Variants in IL31RA observed in about 807,000 individuals in gnomAD.
The protein encoded by IL31RA is interleukin-31 receptor subunit alpha.
IL31RA carries 66 observed loss-of-function variants against 83.7 expected under a neutral mutation model. The observed-to-expected ratio is 0.79, with a 90% confidence interval of 0.65 to 0.97. IL31RA has a LOEUF of 0.97. Among genes scored for constraint, IL31RA ranks in the 50% least tolerant of loss-of-function variants. IL31RA has a pLI of 0.00. For missense variants in IL31RA, 798 were observed against 919.4 expected (o/e 0.87, Z 1.71); for synonymous variants, 325 against 329.0 (o/e 0.99, Z 0.13).
chr5:55,909,871 A>C (rs1749390949), intron 11 of IL31RA, among the ~76,000 whole-genome samples: 1 of 151,922 alleles, frequency 6.6e-6, no homozygotes, highest in South Asian at 2.1e-4. Context: ...CGTCCAGCTA[A>C]TTTTGTATTT....
In IL31RA at chr5:55,922,491, C is replaced by G. The variant is rs763493654; in HGVS notation, c.*5371C>G. On this transcript the variant is annotated 3_prime_UTR_variant, in exon 15 of 15. Coordinates refer to ENST00000652347, the MANE Select transcript of IL31RA (RefSeq NM_139017.7). ...GTCTATGCAAATTAGAAAGGACATG[C>G]AGAGTTTTCCAACTAGGAAGACTGA... 2.2e-6 allele frequency: 3 copies of G among 1,383,704 alleles called. No homozygotes were observed. The African/African-American group carries it at 4.3e-5, about 20-fold the overall frequency. 85.7% of individuals were successfully genotyped at this position (1,383,704 alleles called of 1,614,324 possible).
At chr5:55,881,716 ATTTTTT>A (rs34217814) in intron 4 of IL31RA, among the ~76,000 whole-genome samples, 101 of 59,634 alleles carry the variant, frequency 1.7e-3, no homozygotes, top group South Asian at 2.6e-3. Flanking sequence ...AGTTCCTGAG[ATTTTTT>A]TTTTTTTTTT....
chr5:55,883,079 C>A lies in IL31RA; in HGVS notation c.490C>A (p.Pro164Thr). The change falls in exon 5 of 15, where the codon CCA (proline) becomes ACA (threonine). Residue 164 changes from proline (P) to threonine (T), a missense_variant. By Grantham distance (38) the Pro-to-Thr change is conservative. Coordinates refer to ENST00000652347, the MANE Select transcript of IL31RA (RefSeq NM_139017.7). Reference protein sequence around the residue: ...TEPPKIFRVKPVLGIKRMIQI... With the variant: ...TEPPKIFRVKTVLGIKRMIQI... ...ACCACCTAAGATTTTCCGTGTGAAA[C>A]CAGTTTTGGGCATCAAACGAATGAT... is the stretch of plus-strand genomic sequence containing the variant. 1 of 1,613,946 alleles carries A rather than the reference C, an allele frequency of 6.2e-7. No homozygotes were observed.
the IL31RA span, chr5:55,839,819 G>T: frequency 3.9e-6 from 3 of 760,384 alleles, no homozygotes; most frequent in Non-Finnish European, 7.4e-6. Flanking sequence ...CTTTTTCAGG[G>T]CCAATTTGAC....
At chr5:55,913,934 T>C (rs1309881947) in intron 13 of IL31RA, among the ~76,000 whole-genome samples, 1 of 152,198 alleles carries the variant, frequency 6.6e-6, no homozygotes, top group Non-Finnish European at 1.5e-5. Context: ...GAGGCCTTCT[T>C]GCGAGCTCTG....
At chr5:55,860,055 T>G (rs1471328222) in intron 2 of IL31RA, among the ~76,000 whole-genome samples, 2 of 152,134 alleles carry the variant, frequency 1.3e-5, no homozygotes, top group Admixed American at 1.3e-4. Context: ...ATGGAGCCAT[T>G]AAAACAATTT....
At chr5:55,898,738 A>C (rs1384721520) in intron 7 of IL31RA, among the ~76,000 whole-genome samples, 1 of 151,856 alleles carries the variant, frequency 6.6e-6, no homozygotes, top group African/African-American at 2.4e-5. Flanking sequence ...TTTAAAAAAG[A>C]AAATGGGGCT....
At chr5:55,915,010 C>A (rs2112590111) in intron 14 of IL31RA, 82 bp downstream of exon 14, 1 of 1,083,724 alleles carries the variant, frequency 9.2e-7, no homozygotes, top group Non-Finnish European at 1.4e-6. Context: ...GAGTCCTAGG[C>A]TGAGCTTTTT....
intron 4 of IL31RA, among the ~76,000 whole-genome samples, chr5:55,880,732 T>G (rs1038205873): frequency 6.6e-6 from 1 of 152,216 alleles, no homozygotes; most frequent in East Asian, 1.9e-4. Flanking sequence ...CATCATCCAT[T>G]TACTCATTCA....
chr5:55,906,407 C>CT, intron 9 of IL31RA, 119 bp downstream of exon 9: 1 of 948,564 alleles, frequency 1.1e-6, no homozygotes, highest in South Asian at 1.4e-5. Flanking sequence ...ATTTGTCAAG[C>CT]TTGTGCAAGC....
At chr5:55,853,601 T>C (rs1037659357) in intron 1 of IL31RA, 5 of 1,545,672 alleles carry the variant, frequency 3.2e-6, no homozygotes, top group Admixed American at 3.9e-5. Flanking sequence ...AGTGATAGTT[T>C]GATCATCTTT....
At chr5:55,847,236 A>T (rs1321441057), upstream of IL31RA, among the ~76,000 whole-genome samples, 786 of 42,972 alleles carry the variant, frequency 0.018, 30 homozygotes, top group African/African-American at 0.07. Context: ...GAAAAAAAAA[A>T]AAAAATAAAA....
intron 8 of IL31RA, among the ~76,000 whole-genome samples, chr5:55,901,586 C>CATTATT (rs58572654): frequency 0.012 from 1,702 of 144,892 alleles, 31 homozygotes; most frequent in African/African-American, 0.034. Flanking sequence ...TTACTATTGT[C>CATTATT]ATTATTATTA....
Position 55,916,769 on chromosome 5 carries a change from G to A in IL31RA, c.1944G>A (p.Leu648=). ...TGGTGGTGAACTTTGGGAATGTTCT[G>A]CAAGAAATTTTCACAGATGAAGCCA... is the stretch of plus-strand genomic sequence containing the variant. ...DKLVVNFGNV[L]QEIFTDEART... The change falls in exon 15 of 15, where the codon CTG becomes CTA. Residue 648 remains leucine, a synonymous_variant. Coordinates refer to ENST00000652347, the MANE Select transcript of IL31RA (RefSeq NM_139017.7). 1 of 1,614,198 alleles carries A rather than the reference G, an allele frequency of 6.2e-7. No individual in the cohort carries two copies. Among genetic ancestry groups the A allele is most frequent in the Non-Finnish European group, 8.5e-7 (1 of 1,180,030 alleles).
At position 55,914,907 on chromosome 5, in the gene IL31RA, A is replaced by G. The variant is rs756476149; in HGVS notation, c.1797A>G (p.Thr599=). The G allele has an allele frequency of 9.3e-6, 15 of 1,612,994 alleles. No individual in the cohort carries two copies. The South Asian group carries it at 1.3e-4, about 14-fold the overall frequency. The part of the protein sequence containing the change: ...VPNPAESSIA[T]WHGDDFKDKL... ...ACCCTGCTGAAAGTAGTATAGCCAC[A>G]TGGCATGGAGATGATTTCAAGGTAA... is the stretch of plus-strand genomic sequence containing the variant. Residue 599 remains threonine (T), a synonymous_variant, in exon 14 of 15, where the codon ACA becomes ACG. Transcript: ENST00000652347.
rs1446006077 is a variant in IL31RA, at chr5:55,867,314, T to C, written c.155-1477T>C. 1.2e-3 allele frequency among the ~76,000 whole-genome samples: 174 copies of C among 149,296 alleles called. 3 individuals are homozygous for C. The highest frequency in any genetic ancestry group is 4.0e-3 in the African/African-American group (157 of 39,624). Reference sequence around the variant, plus strand: ...GCATGTGTGTGTGTGCGTGTGTGTGTGTGCGTGTGTGTGTGTGTGTGTATG... The same window carrying C: ...GCATGTGTGTGTGTGCGTGTGTGTGCGTGCGTGTGTGTGTGTGTGTGTATG... On this transcript the variant is annotated intron_variant, in intron 2 of 14. Transcript: ENST00000652347.
At chr5:55,881,944 C>T (rs1291939234) in intron 4 of IL31RA, among the ~76,000 whole-genome samples, 1 of 152,034 alleles carries the variant, frequency 6.6e-6, no homozygotes, top group African/African-American at 2.4e-5. Flanking sequence ...AACCCCTGAC[C>T]TCCTGATCTG....
At chr5:55,915,042 C>G in intron 14 of IL31RA, 114 bp downstream of exon 14, 2 of 820,532 alleles carry the variant, frequency 2.4e-6, no homozygotes, top group Admixed American at 1.9e-5. Flanking sequence ...ATCAAGAGAA[C>G]TGGAGTTGAA....
intron 6 of IL31RA, among the ~76,000 whole-genome samples, chr5:55,890,595 C>G (rs893659421): frequency 6.6e-6 from 1 of 152,118 alleles, no homozygotes; most frequent in Non-Finnish European, 1.5e-5. Context: ...GTCTTGAACT[C>G]CTGACCTCAG....
Sources: gnomAD v4.1 joint callset for allele counts (sites outside exome capture counted in the v4.1 genomes callset) on GRCh38, gnomAD v4.1.1 for gene constraint, MANE v1.5 for transcripts, NCBI Gene and HGNC (gene_info 2026-07-23, HGNC 2026-07-21) for gene names.